The following EBF1 variants were observed in gnomAD, a reference collection of about 807,000 sequenced individuals.
EBF1 encodes EBF transcription factor 1.
EBF1 carries 10 observed loss-of-function variants against 68.4 expected under a neutral mutation model. That is an observed-to-expected ratio of 0.15 (90% CI 0.09 to 0.25). The LOEUF (loss-of-function observed/expected upper bound fraction) is 0.25. EBF1 is among the 10% of genes least tolerant of loss of function. The pLI is 1.00. For synonymous variants in EBF1, 298 were observed against 299.8 expected, an observed-to-expected ratio of 0.99 and a Z score of 0.06; for missense variants, 509 against 794.4, an observed-to-expected ratio of 0.64 and a Z score of 4.32.
intron 10 of EBF1, among the ~76,000 whole-genome samples, chr5:158,765,120 C>T (rs1265353007): frequency 6.6e-6 from 1 of 152,068 alleles, no homozygotes; most frequent in African/African-American, 2.4e-5. Flanking sequence ...TCCAGTAAGT[C>T]ACAACAATTT....
rs367827269 is a variant in EBF1, at chr5:158,830,520, C to T, written c.637-7203G>A. Among the ~76,000 whole-genome samples the T allele has an allele frequency of 1.1e-4, 16 of 152,278 alleles. No individual in the cohort carries two copies. The South Asian group carries it at 1.5e-3, about 14-fold the overall frequency. On this transcript the variant is annotated intron_variant, in intron 7 of 15. Coordinates refer to ENST00000313708, the MANE Select transcript of EBF1 (RefSeq NM_024007.5). ...TCTTGAGCTCGTGATCCGTCCATCT[C>T]GGCCTCCCAAAAGTGCTGGGATTAC...
chr5:159,059,682 C>T (rs1437620026), intron 6 of EBF1, among the ~76,000 whole-genome samples: 1 of 152,140 alleles, frequency 6.6e-6, no homozygotes, highest in Non-Finnish European at 1.5e-5. Flanking sequence ...TATACAATTA[C>T]TTGTATAGAT....
At chr5:158,972,807 G>A (rs563617485) in intron 6 of EBF1, among the ~76,000 whole-genome samples, 1 of 152,242 alleles carries the variant, frequency 6.6e-6, no homozygotes, top group Non-Finnish European at 1.5e-5. Context: ...TTGCATGCAC[G>A]TTCTGCTCCT....
intron 6 of EBF1, among the ~76,000 whole-genome samples, chr5:159,069,324 TCAAACAAACAAA>T (rs368618968): frequency 7.2e-5 from 11 of 151,830 alleles, no homozygotes; most frequent in African/African-American, 2.2e-4. Flanking sequence ...AATTCTAAAT[TCAAACAAACAAA>T]CAAACAAACA....
Position 158,897,265 on chromosome 5 carries a change from G to A in EBF1, c.555-57155C>T, listed in dbSNP as rs574271734. Among the ~76,000 whole-genome samples the A allele has an allele frequency of 4.6e-5, 7 of 152,210 alleles. No homozygotes were observed. The South Asian group carries it at 8.3e-4, about 18-fold the overall frequency. On this transcript the variant is annotated intron_variant, in intron 6 of 15. Coordinates refer to ENST00000313708, the MANE Select transcript of EBF1 (RefSeq NM_024007.5). ...AAAAGAAAGAGATCATGTCCTTTGCGGGACATGGATGGAGCTGGAGGCCAT... is the reference window on the plus strand; with the variant it reads ...AAAAGAAAGAGATCATGTCCTTTGCAGGACATGGATGGAGCTGGAGGCCAT...
chr5:158,816,440 G>A (rs1433244377), intron 8 of EBF1, among the ~76,000 whole-genome samples: 3 of 152,246 alleles, frequency 2.0e-5, no homozygotes, highest in African/African-American at 4.8e-5. Context: ...CTATGTTTAA[G>A]CTTGAGCAGA....
intron 6 of EBF1, among the ~76,000 whole-genome samples, chr5:159,034,599 A>G (rs1769654526): frequency 1.3e-5 from 2 of 152,094 alleles, no homozygotes; most frequent in Non-Finnish European, 2.9e-5. Flanking sequence ...AGGAGAGAGT[A>G]TTTTATATTT....
chr5:158,991,212 G>A (rs907747572), intron 6 of EBF1, among the ~76,000 whole-genome samples: 2 of 152,162 alleles, frequency 1.3e-5, no homozygotes, highest in Admixed American at 6.5e-5. Flanking sequence ...AGAGCACAAT[G>A]CCTGGCACAT....
Position 158,825,825 on chromosome 5 carries a change from C to T in EBF1, c.637-2508G>A, listed in dbSNP as rs1307860259. On this transcript the variant is annotated intron_variant, in intron 7 of 15. Coordinates refer to ENST00000313708, the MANE Select transcript of EBF1 (RefSeq NM_024007.5). ...CCTCAAAAACTCACAGCACAACTTCCCTACCACAAAACAATTTCTCCCATT... is the reference window on the plus strand; with the variant it reads ...CCTCAAAAACTCACAGCACAACTTCTCTACCACAAAACAATTTCTCCCATT... Among the ~76,000 whole-genome samples, 4 of 151,972 alleles carry T rather than the reference C, an allele frequency of 2.6e-5. No homozygotes were observed. In the East Asian group the frequency reaches 7.7e-4, roughly 29 times the overall value.
At chr5:158,888,224 G>T in intron 6 of EBF1, among the ~76,000 whole-genome samples, 1 of 152,058 alleles carries the variant, frequency 6.6e-6, no homozygotes, top group South Asian at 2.1e-4. Context: ...AAATGAAAGA[G>T]CCTCTTAAAA....
chr5:158,990,885 T>C (rs1760172321), intron 6 of EBF1, among the ~76,000 whole-genome samples: 1 of 152,228 alleles, frequency 6.6e-6, no homozygotes, highest in Non-Finnish European at 1.5e-5. Context: ...CTAATCTCAA[T>C]TAAACCCATC....
At chr5:159,053,328 T>C (rs1033870793) in intron 6 of EBF1, among the ~76,000 whole-genome samples, 5 of 152,176 alleles carry the variant, frequency 3.3e-5, no homozygotes, top group African/African-American at 1.2e-4. Flanking sequence ...TCAGCTAATA[T>C]GTGGCTTCAT....
chr5:158,862,928 C>T (rs1195858664), intron 6 of EBF1, among the ~76,000 whole-genome samples: 2 of 152,094 alleles, frequency 1.3e-5, no homozygotes, highest in Non-Finnish European at 2.9e-5. Context: ...TTCTACAGAC[C>T]CTGACTTTGA....
intron 6 of EBF1, among the ~76,000 whole-genome samples, chr5:158,948,377 T>TA (rs1028850258): frequency 1.4e-4 from 20 of 146,370 alleles, no homozygotes; most frequent in Non-Finnish European, 2.1e-4. Context: ...CTGGAATGTT[T>TA]AAAAAAAAAA....
intron 10 of EBF1, among the ~76,000 whole-genome samples, chr5:158,732,681 T>C (rs1015291852): frequency 1.3e-5 from 2 of 152,144 alleles, no homozygotes; most frequent in Non-Finnish European, 2.9e-5. Context: ...TAATTACACC[T>C]CCAAAAGACA....
intron 8 of EBF1, among the ~76,000 whole-genome samples, chr5:158,819,358 A>T (rs2127836281): frequency 6.6e-6 from 1 of 152,354 alleles, no homozygotes; most frequent in East Asian, 1.9e-4. Context: ...CTTGTTGCAT[A>T]TTAGATCATT....
In EBF1 at chr5:158,823,281, C is replaced by T. The variant is rs373055966; in HGVS notation, c.673G>A (p.Val225Ile). 24 of 1,613,784 alleles carry T rather than the reference C, an allele frequency of 1.5e-5. No homozygotes were observed. The highest frequency in any genetic ancestry group is 2.0e-5 in the Non-Finnish European group (24 of 1,179,890). ...VSTTVNVDGH[V>I]LAVSDNMFVH... ...AACATGTTATCAGAGACTGCCAGGA[C>T]ATGGCCATCCACATTGACTGTCGTA... is the stretch of plus-strand genomic sequence containing the variant. The change falls in exon 8 of 16, where the codon GTC becomes ATC. Residue 225 changes from valine (V) to isoleucine (I), a missense_variant. This residue lies in a region of EBF1 where 230 missense variants were observed against 467.7 expected (regional missense o/e 0.49). Transcript: ENST00000313708.
intron 11 of EBF1, among the ~76,000 whole-genome samples, chr5:158,729,624 T>G (rs1763663606): frequency 6.6e-6 from 1 of 152,204 alleles, no homozygotes; most frequent in Admixed American, 6.5e-5. Flanking sequence ...TATAGTTAGA[T>G]TATTTAATCT....
chr5:158,813,467 C>A (rs1783099476), intron 8 of EBF1, among the ~76,000 whole-genome samples: 1 of 152,160 alleles, frequency 6.6e-6, no homozygotes, highest in South Asian at 2.1e-4. Context: ...TGCCACATTT[C>A]TATGGCTTTT....
Sources: allele counts gnomAD v4.1 joint callset (sites outside exome capture counted in the v4.1 genomes callset), GRCh38; gene constraint gnomAD v4.1.1; regional missense constraint gnomAD v4.1.1; transcripts MANE v1.5; gene names NCBI Gene and HGNC (gene_info 2026-07-23, HGNC 2026-07-21).